Variants in DCBLD1 observed in about 807,000 individuals in gnomAD.
The protein encoded by DCBLD1 is discoidin, CUB and LCCL domain-containing protein 1.
In DCBLD1, 57 loss-of-function variants were observed where a neutral mutation model predicts 71.5. The ratio of observed to expected loss-of-function variants is 0.80; its 90% CI spans 0.64 to 0.99. DCBLD1 has a LOEUF of 0.99. Ranked by LOEUF, DCBLD1 falls within the 50% of genes least tolerant of loss-of-function variation. The probability of loss-of-function intolerance (pLI) is 0.00; values close to 1 mark genes in which losing one functional copy is unlikely to be tolerated. For synonymous variants in DCBLD1, 380 were observed against 363.8 expected (o/e 1.04, Z -0.51); for missense variants, 891 against 923.5 (o/e 0.96, Z 0.46).
chr6:117,553,694 C>CT (rs1236915576), downstream of DCBLD1, among the ~76,000 whole-genome samples: 1 of 152,160 alleles, frequency 6.6e-6, no homozygotes. Flanking sequence ...GTTCAAGCCC[C>CT]TTTTGCATCC....
At chr6:117,533,884 T>A (rs1233404231) in intron 6 of DCBLD1, among the ~76,000 whole-genome samples, 2 of 152,110 alleles carry the variant, frequency 1.3e-5, no homozygotes, top group African/African-American at 4.8e-5. Flanking sequence ...CAATTCTGAG[T>A]TCAGGGGTCG....
chr6:117,559,394 G>GGGA (rs1487507179), intron 14 of DCBLD1, among the ~76,000 whole-genome samples: 1 of 152,202 alleles, frequency 6.6e-6, no homozygotes, highest in African/African-American at 2.4e-5. Flanking sequence ...GTAATCCTAA[G>GGGA]GGAGTTTGGC....
downstream of DCBLD1, among the ~76,000 whole-genome samples, chr6:117,553,940 C>T (rs1036394987): frequency 6.6e-6 from 1 of 152,104 alleles, no homozygotes; most frequent in African/African-American, 2.4e-5. Context: ...GACTCCATTT[C>T]CTTATTTCTA....
At chr6:117,542,462 A>G (rs1779130175) in intron 11 of DCBLD1, among the ~76,000 whole-genome samples, 1 of 152,134 alleles carries the variant, frequency 6.6e-6, no homozygotes, top group Admixed American at 6.5e-5. Flanking sequence ...ATGAAGAGCA[A>G]ATATTTTTCC....
chr6:117,542,278 C>T (rs1226428170), intron 11 of DCBLD1, among the ~76,000 whole-genome samples: 2 of 147,746 alleles, frequency 1.4e-5, no homozygotes, highest in East Asian at 2.0e-4. Context: ...GGTGACAGAG[C>T]GAGACTCCAT....
intron 2 of DCBLD1, among the ~76,000 whole-genome samples, chr6:117,509,645 A>G (rs557709340): frequency 5.3e-5 from 8 of 150,642 alleles, no homozygotes; most frequent in Non-Finnish European, 8.9e-5. Context: ...CCTCCTCCTG[A>G]GTTGTCTTGC....
chr6:117,547,977 C>T lies in DCBLD1; in HGVS notation c.1686C>T (p.Asp562=), dbSNP rs1396692699. ...TRKGSTFRPM[D]TDAEEAGVST... ...AGGGCTCCACCTTCCGGCCCATGGA[C>T]ACGGATGCCGAGGAGGCAGGGGTGA... Residue 562 remains aspartate (D), a synonymous_variant, in exon 15 of 15, where the codon GAC becomes GAT. Transcript: ENST00000338728. The T allele has an allele frequency of 2.6e-6, 4 of 1,550,608 alleles. No individual in the cohort carries two copies. The highest frequency in any genetic ancestry group is 3.5e-6 in the Non-Finnish European group (4 of 1,146,974).
chr6:117,530,568 C>T (rs954197994), intron 5 of DCBLD1, among the ~76,000 whole-genome samples: 1 of 152,178 alleles, frequency 6.6e-6, no homozygotes, highest in African/African-American at 2.4e-5. Context: ...CTTGGGGACC[C>T]ATGCACTAGA....
chr6:117,536,615 G>A (rs1247686113), intron 6 of DCBLD1, among the ~76,000 whole-genome samples: 2 of 152,184 alleles, frequency 1.3e-5, no homozygotes, highest in Non-Finnish European at 2.9e-5. Flanking sequence ...CTTGGTGCTG[G>A]TTGCTACAGT....
At chr6:117,514,718 G>T (rs990128131) in intron 2 of DCBLD1, among the ~76,000 whole-genome samples, 3 of 152,078 alleles carry the variant, frequency 2.0e-5, no homozygotes, top group African/African-American at 7.2e-5. Flanking sequence ...TGTGGTAAGG[G>T]TAATTAAAGG....
At chr6:117,551,136 T>G (rs1426067121), downstream of DCBLD1, among the ~76,000 whole-genome samples, 1 of 152,130 alleles carries the variant, frequency 6.6e-6, no homozygotes, top group Non-Finnish European at 1.5e-5. Flanking sequence ...GCTTTAAAGG[T>G]TTTTATTTTG....
intron 4 of DCBLD1, among the ~76,000 whole-genome samples, chr6:117,524,028 A>G (rs889817706): frequency 1.1e-4 from 16 of 152,260 alleles, no homozygotes; most frequent in Middle Eastern, 6.8e-3. Context: ...CTAGAGATGA[A>G]GAAACAATCT....
intron 1 of DCBLD1, among the ~76,000 whole-genome samples, chr6:117,495,599 GGTTGT>G: frequency 1.3e-5 from 2 of 152,252 alleles, no homozygotes; most frequent in Non-Finnish European, 2.9e-5. Flanking sequence ...CCAGAATCCA[GGTTGT>G]AACCATTATG....
intron 6 of DCBLD1, among the ~76,000 whole-genome samples, chr6:117,534,226 T>A (rs1778812900): frequency 6.6e-6 from 1 of 152,102 alleles, no homozygotes; most frequent in Non-Finnish European, 1.5e-5. Flanking sequence ...GAAATTAAAA[T>A]CTTCACTCAA....
intron 10 of DCBLD1, 25 bp downstream of exon 10, chr6:117,540,840 G>C (rs369334184): frequency 2.5e-6 from 4 of 1,614,172 alleles, no homozygotes; most frequent in Non-Finnish European, 3.4e-6. Flanking sequence ...AAGCCAGTGA[G>C]TTACTCAAGT....
chr6:117,529,419 C>G (rs564287980), intron 5 of DCBLD1, among the ~76,000 whole-genome samples: 2 of 152,116 alleles, frequency 1.3e-5, no homozygotes, highest in Non-Finnish European at 2.9e-5. Context: ...CTCTACAGAG[C>G]AGAATGTACA....
chr6:117,548,886 A>G lies in DCBLD1; in HGVS notation c.*447A>G, dbSNP rs1251329971. 3 of 1,008,688 alleles carry G rather than the reference A, an allele frequency of 3.0e-6. No individual in the cohort carries two copies. The highest frequency in any genetic ancestry group is 3.5e-5 in the African/African-American group (2 of 57,456). The allele number at this position is 1,008,688 out of a possible 1,614,324, so 62.5% of individuals were successfully genotyped here. A position where few individuals can be genotyped will look rare whatever the true frequency, so the allele number is the denominator to read the frequency against. ...GTATGTTCATTTTTTTCAGTATATTATCTGATACTGTGTTAGCAGCAGGTC... is the reference window on the plus strand; with the variant it reads ...GTATGTTCATTTTTTTCAGTATATTGTCTGATACTGTGTTAGCAGCAGGTC... On this transcript the variant is annotated 3_prime_UTR_variant, in exon 15 of 15. Coordinates refer to ENST00000338728, the MANE Select transcript of DCBLD1 (RefSeq NM_001366458.2).
intron 1 of DCBLD1, among the ~76,000 whole-genome samples, chr6:117,489,060 T>C (rs1777190705): frequency 6.6e-6 from 1 of 152,218 alleles, no homozygotes; most frequent in Admixed American, 6.5e-5. Flanking sequence ...TAGTCTGTTC[T>C]GTGTTGCTGT....
At chr6:117,569,779 G>C in exon 15 of DCBLD1, 3 of 1,518,654 alleles carry the variant, frequency 2.0e-6, no homozygotes, top group Non-Finnish European at 2.6e-6. Flanking sequence ...CTCTTTGTAA[G>C]GTACAGTTAC....
Sources: gnomAD v4.1 joint callset for allele counts (sites outside exome capture counted in the v4.1 genomes callset) on GRCh38, gnomAD v4.1.1 for gene constraint, MANE v1.5 for transcripts, NCBI Gene and HGNC (gene_info 2026-07-23, HGNC 2026-07-21) for gene names.